Variants in NPHP4 observed in about 807,000 individuals in gnomAD.
The protein encoded by NPHP4 is nephrocystin-4.
A neutral mutation model predicts 155.8 loss-of-function variants in NPHP4; 151 were observed. The observed-to-expected ratio is 0.97, with a 90% CI of 0.85 to 1.11. NPHP4 has a LOEUF of 1.11. Ranked by LOEUF, NPHP4 falls within the 50% of genes least tolerant of loss-of-function variation. The pLI is 0.00. For synonymous variants in NPHP4, 845 were observed against 816.8 expected (o/e 1.03, Z -0.59); for missense variants, 1,956 against 1,925.7 (o/e 1.02, Z -0.29).
At chr1:5,866,561 C>T in intron 25 of NPHP4, 103 bp from the exon 26 acceptor site, 1 of 704,540 alleles carries the variant, frequency 1.4e-6, no homozygotes, top group Non-Finnish European at 2.6e-6. Flanking sequence ...ACGGCCAGTC[C>T]CTCCCAGAAC....
At chr1:5,946,316 C>A (rs567639465) in intron 9 of NPHP4, among the ~76,000 whole-genome samples, 3 of 152,280 alleles carry the variant, frequency 2.0e-5, no homozygotes, top group South Asian at 2.1e-4. Context: ...TTTCTTTCAA[C>A]TGAACCTATA....
intron 9 of NPHP4, among the ~76,000 whole-genome samples, chr1:5,934,223 C>T (rs1453321295): frequency 6.6e-6 from 1 of 152,120 alleles, no homozygotes; most frequent in Admixed American, 6.5e-5. Flanking sequence ...GTGGGTGGAG[C>T]ACACTTAAGT....
chr1:5,972,542 T>C (rs1036269326), intron 3 of NPHP4, among the ~76,000 whole-genome samples: 2 of 152,216 alleles, frequency 1.3e-5, no homozygotes, highest in African/African-American at 4.8e-5. Flanking sequence ...TTCCAGCTCC[T>C]AAACACAGCC....
At chr1:5,938,174 G>A (rs1185550781) in intron 9 of NPHP4, among the ~76,000 whole-genome samples, 1 of 152,260 alleles carries the variant, frequency 6.6e-6, no homozygotes, top group Non-Finnish European at 1.5e-5. Flanking sequence ...CCGGAACTCA[G>A]AGCTCAGGGC....
chr1:5,964,933 A>ATTTTTTTTTTTTTTTT (rs1327414741), intron 5 of NPHP4, among the ~76,000 whole-genome samples: 2 of 23,782 alleles, frequency 8.4e-5, no homozygotes, highest in African/African-American at 3.1e-4. Context: ...ATATATATAT[A>ATTTTTTTTTTTTTTTT]TATATATATT....
rs369888235 is a variant in NPHP4, at chr1:5,864,059, G to C, written c.3997-26C>G. On this transcript the variant is annotated intron_variant, in intron 28 of 29. Transcript: ENST00000378156. ...CTGTGGAGGGAGGGGACAGGGAGACGCTGCGGCCACTCACGGGAACAGCCA... is the reference window on the plus strand; with the variant it reads ...CTGTGGAGGGAGGGGACAGGGAGACCCTGCGGCCACTCACGGGAACAGCCA... 2.5e-6 allele frequency: 4 copies of C among 1,608,976 alleles called. No individual in the cohort carries two copies. In the Admixed American group the frequency reaches 6.7e-5, roughly 27 times the overall value.
intron 2 of NPHP4, among the ~76,000 whole-genome samples, chr1:5,980,644 C>A (rs1057360863): frequency 1.2e-4 from 18 of 152,136 alleles, no homozygotes; most frequent in South Asian, 1.0e-3. Context: ...CCGCTGGGCT[C>A]TGCTGCTTTG....
At chr1:5,924,438 G>A (rs1435282036) in intron 11 of NPHP4, among the ~76,000 whole-genome samples, 1 of 152,060 alleles carries the variant, frequency 6.6e-6, no homozygotes, top group African/African-American at 2.4e-5. Flanking sequence ...TGGGCAAGCA[G>A]AGGCAGTGGC....
chr1:5,964,917 T>TATATATA lies in NPHP4; in HGVS notation c.517+2381_517+2382insTATATAT, dbSNP rs1553194702. 1.7e-4 allele frequency among the ~76,000 whole-genome samples: 14 copies of TATATATA among 82,618 alleles called. 2 individuals are homozygous for TATATATA. The highest frequency in any genetic ancestry group is 7.3e-4 in the African/African-American group (13 of 17,916). 54.2% of individuals were successfully genotyped at this position (82,618 alleles called of 152,430 possible). On this transcript the variant is annotated intron_variant, in intron 5 of 29. Transcript: ENST00000378156. Reference sequence around the variant, plus strand: ...ATATAAAATATATAATACATATATATTATATATATATATATATATATATAT... The same window carrying TATATATA: ...ATATAAAATATATAATACATATATATATATATATATATATATATATATATATATATAT...
chr1:5,896,652 C>CA (rs1381989071), intron 16 of NPHP4, among the ~76,000 whole-genome samples: 1 of 152,172 alleles, frequency 6.6e-6, no homozygotes, highest in African/African-American at 2.4e-5. Context: ...AACATGAACT[C>CA]ACATTTTACA....
rs143537168 is a variant in NPHP4 at position 5,926,094 on chromosome 1, C to CA, written c.1441+1554dup. On this transcript the variant is annotated intron_variant, in intron 11 of 29. Transcript: ENST00000378156. ...CCCACCACCACAAGGGATTCTAGTA[C>CA]AAGGGGGACTGTACATTTCAGTGCC... Among the ~76,000 whole-genome samples, 561 of 152,234 alleles carry CA rather than the reference C, an allele frequency of 3.7e-3. 29 individuals are homozygous for CA. In the East Asian group the frequency reaches 0.1, roughly 28 times the overall value.
At chr1:5,908,010 A>C (rs1644997168) in intron 12 of NPHP4, among the ~76,000 whole-genome samples, 1 of 152,182 alleles carries the variant, frequency 6.6e-6, no homozygotes, top group East Asian at 1.9e-4. Flanking sequence ...TCCAGTACAC[A>C]CAGCCAGCAC....
chr1:5,941,926 C>G (rs1289835538), intron 9 of NPHP4, among the ~76,000 whole-genome samples: 1 of 152,178 alleles, frequency 6.6e-6, no homozygotes, highest in Non-Finnish European at 1.5e-5. Context: ...GGCTCCTCCT[C>G]CTGCAGGAAG....
chr1:5,930,495 T>C (rs988439193), intron 10 of NPHP4, among the ~76,000 whole-genome samples: 1 of 152,246 alleles, frequency 6.6e-6, no homozygotes, highest in African/African-American at 2.4e-5. Context: ...ATCTGTTAAG[T>C]TCACAATATC....
intron 9 of NPHP4, among the ~76,000 whole-genome samples, chr1:5,937,850 C>A (rs1296722401): frequency 6.6e-6 from 1 of 152,148 alleles, no homozygotes; most frequent in African/African-American, 2.4e-5. Flanking sequence ...AAATGTAGGT[C>A]TATAATTATG....
intron 9 of NPHP4, among the ~76,000 whole-genome samples, chr1:5,943,916 A>G (rs1371815184): frequency 6.6e-6 from 1 of 152,154 alleles, no homozygotes; most frequent in Non-Finnish European, 1.5e-5. Flanking sequence ...GCCCAGGTGG[A>G]ACGGGACGGG....
intron 20 of NPHP4, chr1:5,876,151 G>C (rs1315990452): frequency 1.3e-5 from 2 of 151,308 alleles, no homozygotes; most frequent in African/African-American, 4.9e-5. Flanking sequence ...TCAATTCCAA[G>C]CTTATGCTGA....
intron 11 of NPHP4, among the ~76,000 whole-genome samples, chr1:5,911,876 G>A (rs1386077639): frequency 6.6e-6 from 1 of 152,180 alleles, no homozygotes; most frequent in Non-Finnish European, 1.5e-5. Context: ...CAGCGCGGCC[G>A]CCAGGGAGCA....
intron 11 of NPHP4, among the ~76,000 whole-genome samples, chr1:5,921,945 G>A (rs574583534): frequency 7.9e-5 from 12 of 152,322 alleles, no homozygotes; most frequent in African/African-American, 1.4e-4. Flanking sequence ...AGATACCCAC[G>A]TCCTAACCCC....
Sources: gnomAD v4.1 joint callset for allele counts (sites outside exome capture counted in the v4.1 genomes callset) on GRCh38, gnomAD v4.1.1 for gene constraint, MANE v1.5 for transcripts, NCBI Gene and HGNC (gene_info 2026-07-23, HGNC 2026-07-21) for gene names.